The following WDR75 variants were observed in gnomAD, a reference collection of about 807,000 sequenced individuals.
WDR75 encodes the protein WD repeat domain 75, also known as WD repeat-containing protein 75.
WDR75 carries 52 observed loss-of-function variants against 106.1 expected under a neutral mutation model. That is an observed-to-expected ratio of 0.49 (90% CI 0.39 to 0.62). The LOEUF is 0.62. WDR75 is among the 20% of genes least tolerant of loss of function. The pLI, the probability that WDR75 is intolerant of heterozygous loss-of-function variation, is 0.00. For missense variants in WDR75, 905 were observed against 970.3 expected (o/e 0.93, Z 0.89); for synonymous variants, 333 against 335.5 (o/e 0.99, Z 0.08).
At chr2:189,450,818 C>T in intron 2 of WDR75, 85 bp from the exon 3 acceptor site, 2 of 1,565,168 alleles carry the variant, frequency 1.3e-6, no homozygotes, top group Non-Finnish European at 1.7e-6. Flanking sequence ...ATAGAAAATG[C>T]CCCTGATCAA....
At chr2:189,452,762 C>A (rs1056391082) in intron 4 of WDR75, among the ~76,000 whole-genome samples, 1 of 152,170 alleles carries the variant, frequency 6.6e-6, no homozygotes, top group Non-Finnish European at 1.5e-5. Context: ...GAGGACACAT[C>A]TATAGAAATT....
Position 189,445,721 on chromosome 2 carries a change from G to C in WDR75, c.87-2658G>C, listed in dbSNP as rs116098895. On this transcript the variant is annotated intron_variant, in intron 1 of 20. Coordinates refer to ENST00000314761, the MANE Select transcript of WDR75 (RefSeq NM_032168.3). ...GACTAACATGCTGTGCTTATGTAAA[G>C]TGCTAACATTTGTGGAAGCTAGGTG... Among the ~76,000 whole-genome samples, 1,319 of 152,272 alleles carry C rather than the reference G, an allele frequency of 8.7e-3. 25 individuals carry two copies. Among genetic ancestry groups the C allele is most frequent in the African/African-American group, 0.03 (1,250 of 41,540 alleles).
In WDR75 at chr2:189,475,345, G is replaced by C; in HGVS notation, c.2421G>C (p.Gln807His). 1 of 1,612,630 alleles carries C rather than the reference G, an allele frequency of 6.2e-7. No individual in the cohort carries two copies. The highest frequency in any genetic ancestry group is 8.5e-7 in the Non-Finnish European group (1 of 1,179,354). The change falls in exon 21 of 21, where the codon CAG (glutamine) becomes CAC (histidine). Residue 807 changes from glutamine to histidine, a missense_variant. By Grantham distance (24) the Gln-to-His change is conservative. Transcript: ENST00000314761. ...NTGLGEDIIHQLSKSEEKELR... is the reference protein window; with the variant it reads ...NTGLGEDIIHHLSKSEEKELR... Reference sequence around the variant, plus strand: ...GTTTAGGAGAAGACATTATACATCAGTTGTCAAAATCTGAAGAAAAAGAAC... The same window carrying C: ...GTTTAGGAGAAGACATTATACATCACTTGTCAAAATCTGAAGAAAAAGAAC...
chr2:189,465,525 G>T (rs952033406), intron 12 of WDR75, among the ~76,000 whole-genome samples: 3 of 152,082 alleles, frequency 2.0e-5, no homozygotes, highest in African/African-American at 7.2e-5. Flanking sequence ...CAAATCCAGG[G>T]TTAGAATCCA....
At chr2:189,448,647 T>A in intron 2 of WDR75, 139 bp downstream of exon 2, 1 of 1,120,218 alleles carries the variant, frequency 8.9e-7, no homozygotes, top group Non-Finnish European at 1.3e-6. Flanking sequence ...ATTTTCCACT[T>A]GCTAAATTAC....
chr2:189,449,354 C>T (rs1432549827), intron 2 of WDR75: 2 of 1,294,338 alleles, frequency 1.5e-6, no homozygotes, highest in East Asian at 1.1e-4. Flanking sequence ...ATTAAATGAG[C>T]TACTTCTAAA....
intron 12 of WDR75, 75 bp downstream of exon 12, chr2:189,465,329 T>A (rs1686979075): frequency 7.1e-7 from 1 of 1,414,668 alleles, no homozygotes; most frequent in East Asian, 2.4e-5. Context: ...TTCAATTGTC[T>A]TTAAGATGTT....
intron 18 of WDR75, among the ~76,000 whole-genome samples, chr2:189,471,712 C>A (rs10187589): frequency 0.065 from 9,860 of 152,104 alleles, 499 homozygotes; most frequent in African/African-American, 0.14. Context: ...ACACAGTAGT[C>A]ATCCTAGGAT....
chr2:189,445,387 T>G (rs1686475825), intron 1 of WDR75, among the ~76,000 whole-genome samples: 1 of 152,184 alleles, frequency 6.6e-6, no homozygotes, highest in Admixed American at 6.5e-5. Flanking sequence ...TGGTAAGTTC[T>G]GTGATGGAGC....
rs147614972 is a variant in WDR75 at position 189,458,626 on chromosome 2, T to A, written c.570-127T>A. 1.2e-3 allele frequency: 839 copies of A among 728,450 alleles called. 5 individuals are homozygous for A. The African/African-American group carries it at 0.014, about 12-fold the overall frequency. 45.1% of individuals were successfully genotyped at this position (728,450 alleles called of 1,614,324 possible). ...TTCTTTTTAAAAAAAATCCTGCAGT[T>A]ATATTTATTGAATTCTGAGCTCTAC... On this transcript the variant is annotated intron_variant, in intron 6 of 20. Transcript: ENST00000314761.
At chr2:189,455,605 G>A (rs955133514) in intron 5 of WDR75, 161 bp downstream of exon 5, 4 of 927,118 alleles carry the variant, frequency 4.3e-6, no homozygotes, top group Non-Finnish European at 6.2e-6. Context: ...TGTATTTATG[G>A]TATAGATTTT....
chr2:189,459,565 G>A, intron 8 of WDR75, 141 bp downstream of exon 8: 1 of 788,168 alleles, frequency 1.3e-6, no homozygotes, highest in East Asian at 2.7e-5. Flanking sequence ...CCTGTATTTT[G>A]GGCTTTGCTC....
chr2:189,443,109 C>A (rs565632047), intron 1 of WDR75, among the ~76,000 whole-genome samples: 1 of 152,140 alleles, frequency 6.6e-6, no homozygotes, highest in Non-Finnish European at 1.5e-5. Flanking sequence ...ATTGATCCTG[C>A]CTTCGAGGAG....
intron 1 of WDR75, among the ~76,000 whole-genome samples, chr2:189,447,474 G>A (rs1382749534): frequency 6.6e-6 from 1 of 152,222 alleles, no homozygotes; most frequent in Non-Finnish European, 1.5e-5. Flanking sequence ...CCATTTGTAA[G>A]CTGGTGTTGC....
chr2:189,466,292 G>A (rs1337104616), intron 12 of WDR75, 133 bp from the exon 13 acceptor site: 2 of 978,722 alleles, frequency 2.0e-6, no homozygotes, highest in Non-Finnish European at 3.1e-6. Context: ...GCACTCAATT[G>A]TTTGTCATTC....
chr2:189,460,590 G>A (rs574069565), intron 8 of WDR75, among the ~76,000 whole-genome samples: 62 of 151,480 alleles, frequency 4.1e-4, no homozygotes, highest in African/African-American at 1.5e-3. Flanking sequence ...CTGCAACCTC[G>A]ACTTCCTGGG....
chr2:189,457,297 T>C lies in WDR75; in HGVS notation c.499-14T>C, dbSNP rs1686760049. On this transcript the variant is annotated splice_polypyrimidine_tract_variant and intron_variant, in intron 5 of 20. Coordinates refer to ENST00000314761, the MANE Select transcript of WDR75 (RefSeq NM_032168.3). ...CTATTTTTGTGAATGTTTATCTTCT[T>C]TTTGAAATACTAGGGAGTATATGTT... 1.9e-6 allele frequency: 3 copies of C among 1,560,124 alleles called. No individual in the cohort carries two copies. Among genetic ancestry groups the C allele is most frequent in the Non-Finnish European group, 2.6e-6 (3 of 1,146,572 alleles).
intron 12 of WDR75, 53 bp from the exon 13 acceptor site, chr2:189,466,372 A>G: frequency 6.3e-7 from 1 of 1,583,982 alleles, no homozygotes; most frequent in Non-Finnish European, 8.6e-7. Flanking sequence ...AAATTCTTAT[A>G]TACATCACTT....
At chr2:189,458,675 A>T (rs1346138867) in intron 6 of WDR75, 78 bp from the exon 7 acceptor site, 17 of 1,267,738 alleles carry the variant, frequency 1.3e-5, no homozygotes, top group Non-Finnish European at 1.8e-5. Flanking sequence ...ATTGCTGGGA[A>T]CTCTCTTTTA....
Sources: allele counts gnomAD v4.1 joint callset (sites outside exome capture counted in the v4.1 genomes callset), GRCh38; gene constraint gnomAD v4.1.1; transcripts MANE v1.5; gene names NCBI Gene and HGNC (gene_info 2026-07-23, HGNC 2026-07-21).